Variants in UTRN observed in about 807,000 individuals in gnomAD.
UTRN encodes the protein utrophin, also known as dystrophin-related protein 1.
A neutral mutation model predicts 463.9 loss-of-function variants in UTRN; 283 were observed. That is an observed-to-expected ratio of 0.61 (90% CI 0.55 to 0.67). The LOEUF (loss-of-function observed/expected upper bound fraction) is 0.67. UTRN is among the 30% of genes least tolerant of loss of function. The pLI is 0.00. For synonymous variants in UTRN, 1,442 were observed against 1,431.5 expected (o/e 1.01, Z -0.17); for missense variants, 3,922 against 4,084.3 (o/e 0.96, Z 1.08).
At chr6:144,342,942 G>A (rs1278501246) in intron 2 of UTRN, among the ~76,000 whole-genome samples, 1 of 152,100 alleles carries the variant, frequency 6.6e-6, no homozygotes, top group Non-Finnish European at 1.5e-5. Flanking sequence ...GGTGAAGTCA[G>A]CCCGTCCATT....
intron 61 of UTRN, among the ~76,000 whole-genome samples, chr6:144,787,665 A>G (rs1776403571): frequency 6.6e-6 from 1 of 152,180 alleles, no homozygotes; most frequent in African/African-American, 2.4e-5. Context: ...TGTAAGTAGT[A>G]AAAATATCAA....
rs557097434 is a variant in UTRN at position 144,728,335 on chromosome 6, C to T, written c.7810-2022C>T. Among the ~76,000 whole-genome samples the T allele has an allele frequency of 3.3e-5, 5 of 152,154 alleles. No individual in the cohort carries two copies. In the South Asian group the frequency reaches 1.0e-3, roughly 32 times the overall value. On this transcript the variant is annotated intron_variant, in intron 53 of 74. Coordinates refer to ENST00000367545, the MANE Select transcript of UTRN (RefSeq NM_007124.3). Reference sequence around the variant, plus strand: ...CCTCTAGAGCTTCTTGCTCTAACAACATAATAATCTAAGTTAAAGAACTGG... The same window carrying T: ...CCTCTAGAGCTTCTTGCTCTAACAATATAATAATCTAAGTTAAAGAACTGG...
intron 52 of UTRN, among the ~76,000 whole-genome samples, chr6:144,695,076 C>T (rs150717781): frequency 1.8e-3 from 278 of 151,018 alleles, no homozygotes; most frequent in African/African-American, 6.2e-3. Flanking sequence ...GCTTTTATTG[C>T]GCTAAAGTTG....
chr6:144,443,333 A>G (rs1370545213), intron 13 of UTRN, among the ~76,000 whole-genome samples: 1 of 152,184 alleles, frequency 6.6e-6, no homozygotes, highest in Non-Finnish European at 1.5e-5. Context: ...CTAAGTATTC[A>G]TGCCTTGACT....
In UTRN at chr6:144,310,467, C is replaced by T. The variant is rs55977643; in HGVS notation, c.79+18560C>T. Among the ~76,000 whole-genome samples, 1,406 of 147,744 alleles carry T rather than the reference C, an allele frequency of 9.5e-3. 25 individuals are homozygous for T. Among genetic ancestry groups the T allele is most frequent in the African/African-American group, 0.033 (1,306 of 39,914 alleles). On this transcript the variant is annotated intron_variant, in intron 2 of 74. Coordinates refer to ENST00000367545, the MANE Select transcript of UTRN (RefSeq NM_007124.3). ...AGGAGAATCGCTTGAACCTGGGAGGCGGAGGTTGCAGTGAGCTGAGATGAG... is the reference window on the plus strand; with the variant it reads ...AGGAGAATCGCTTGAACCTGGGAGGTGGAGGTTGCAGTGAGCTGAGATGAG...
At chr6:144,801,175 G>A (rs975207020) in intron 64 of UTRN, among the ~76,000 whole-genome samples, 6 of 152,060 alleles carry the variant, frequency 3.9e-5, no homozygotes, top group African/African-American at 1.2e-4. Flanking sequence ...TTTCTACATT[G>A]AGAATATAGT....
intron 51 of UTRN, among the ~76,000 whole-genome samples, chr6:144,647,179 TTA>T (rs1456499518): frequency 1.3e-5 from 2 of 152,192 alleles, no homozygotes; most frequent in Non-Finnish European, 2.9e-5. Flanking sequence ...AGATAATTCA[TTA>T]TTTGTCACTC....
At chr6:144,716,017 C>A (rs1229826259) in intron 53 of UTRN, among the ~76,000 whole-genome samples, 1 of 151,988 alleles carries the variant, frequency 6.6e-6, no homozygotes, top group South Asian at 2.1e-4. Flanking sequence ...AATCTTGTCT[C>A]GAGAGCTAGA....
intron 51 of UTRN, among the ~76,000 whole-genome samples, chr6:144,591,367 G>A (rs1309627921): frequency 6.6e-6 from 1 of 152,142 alleles, no homozygotes; most frequent in Non-Finnish European, 1.5e-5. Flanking sequence ...GGAAATGCAA[G>A]AAAAAACTTC....
At chr6:144,689,149 C>T (rs1261683495) in intron 52 of UTRN, among the ~76,000 whole-genome samples, 1 of 152,198 alleles carries the variant, frequency 6.6e-6, no homozygotes, top group Non-Finnish European at 1.5e-5. Flanking sequence ...GACTCTACCC[C>T]TCATGTAAGC....
intron 65 of UTRN, among the ~76,000 whole-genome samples, chr6:144,816,942 T>C (rs1779141926): frequency 6.6e-6 from 1 of 152,150 alleles, no homozygotes; most frequent in African/African-American, 2.4e-5. Flanking sequence ...ATCTAATCAG[T>C]ACATTATTTA....
intron 52 of UTRN, among the ~76,000 whole-genome samples, chr6:144,694,576 T>C (rs1040879187): frequency 3.3e-5 from 5 of 152,158 alleles, no homozygotes; most frequent in African/African-American, 1.2e-4. Flanking sequence ...GAGCTCATTA[T>C]TGGGCTGTTC....
At chr6:144,741,515 A>G (rs927162452) in intron 54 of UTRN, among the ~76,000 whole-genome samples, 3 of 152,144 alleles carry the variant, frequency 2.0e-5, no homozygotes, top group African/African-American at 7.2e-5. Context: ...TACTCGGGAT[A>G]CAGTAGTAGG....
At chr6:144,743,732 G>T (rs1408220458) in intron 54 of UTRN, among the ~76,000 whole-genome samples, 1 of 152,052 alleles carries the variant, frequency 6.6e-6, no homozygotes, top group Non-Finnish European at 1.5e-5. Flanking sequence ...GGAGAGCGTG[G>T]CATAAATGCT....
intron 50 of UTRN, among the ~76,000 whole-genome samples, chr6:144,561,258 T>TATAC (rs778238837): frequency 7.6e-5 from 6 of 78,798 alleles, no homozygotes; most frequent in Non-Finnish European, 1.2e-4. Context: ...TATATATATA[T>TATAC]ATACATACAC....
chr6:144,837,429 C>G (rs527346463), intron 71 of UTRN, among the ~76,000 whole-genome samples: 1 of 152,276 alleles, frequency 6.6e-6, no homozygotes, highest in South Asian at 2.1e-4. Context: ...GGAGTGATGT[C>G]TCAGAAGTAG....
chr6:144,774,229 G>T, intron 59 of UTRN, 61 bp from the exon 60 acceptor site: 1 of 1,419,572 alleles, frequency 7.0e-7, no homozygotes, highest in Non-Finnish European at 9.6e-7. Flanking sequence ...AATACATTCT[G>T]GGCATTCAAT....
chr6:144,759,369 A>ATAATAG (rs1349576015), intron 58 of UTRN, among the ~76,000 whole-genome samples: 1 of 152,166 alleles, frequency 6.6e-6, no homozygotes, highest in East Asian at 1.9e-4. Context: ...TATAACAATA[A>ATAATAG]TAATAGTAAT....
chr6:144,537,173 T>A (rs1387223994), intron 43 of UTRN, among the ~76,000 whole-genome samples: 4 of 152,102 alleles, frequency 2.6e-5, no homozygotes, highest in African/African-American at 9.7e-5. Context: ...TAATGATTCC[T>A]TTCAATATTC....
Sources: allele counts gnomAD v4.1 joint callset (sites outside exome capture counted in the v4.1 genomes callset), GRCh38; gene constraint gnomAD v4.1.1; transcripts MANE v1.5; gene names NCBI Gene and HGNC (gene_info 2026-07-23, HGNC 2026-07-21).